The following GLRA1 variants were observed in gnomAD, a reference collection of about 807,000 sequenced individuals.
The protein encoded by GLRA1 is glycine receptor alpha 1.
In GLRA1, 37 loss-of-function variants were observed where a neutral mutation model predicts 48.3. The observed-to-expected ratio is 0.77, with a 90% confidence interval of 0.59 to 1.01. The LOEUF is 1.01. Ranked by LOEUF, GLRA1 falls within the 50% of genes least tolerant of loss-of-function variation. The pLI, the probability that GLRA1 is intolerant of heterozygous loss-of-function variation, is 0.00. For missense variants in GLRA1, 427 were observed against 571.0 expected (o/e 0.75, Z 2.57); for synonymous variants, 196 against 210.7 (o/e 0.93, Z 0.60).
intron 1 of GLRA1, among the ~76,000 whole-genome samples, chr5:151,923,564 G>T (rs1754930753): frequency 6.6e-6 from 1 of 152,130 alleles, no homozygotes; most frequent in African/African-American, 2.4e-5. Context: ...TCTGAAGATG[G>T]TATGATTCAC....
intron 5 of GLRA1, 143 bp downstream of exon 5, chr5:151,856,158 C>T: frequency 1.5e-6 from 1 of 645,298 alleles, no homozygotes; most frequent in Non-Finnish European, 2.9e-6. Context: ...TTTCTAAAAG[C>T]AAAGTCCTTC....
rs192652060 is a variant in GLRA1, at chr5:151,831,540, C to T, written c.913-2473G>A. On this transcript the variant is annotated intron_variant, in intron 7 of 8. Coordinates refer to ENST00000274576, the MANE Select transcript of GLRA1 (RefSeq NM_000171.4). ...GTGTAAACAAAGCTGCCAGGAAGTT[C>T]GAACTGGGTGGAGCACACCACAGCT... Among the ~76,000 whole-genome samples the T allele has an allele frequency of 7.2e-5, 11 of 152,234 alleles. No individual in the cohort carries two copies. In the East Asian group the frequency reaches 1.9e-3, roughly 27 times the overall value.
chr5:151,897,952 G>A (rs1754262532), intron 1 of GLRA1, among the ~76,000 whole-genome samples: 1 of 152,322 alleles, frequency 6.6e-6, no homozygotes, highest in East Asian at 1.9e-4. Flanking sequence ...TTGGTCAGGG[G>A]ATTTGTCACA....
intron 2 of GLRA1, 85 bp downstream of exon 2, chr5:151,892,226 A>G (rs1754095035): frequency 4.1e-6 from 5 of 1,231,486 alleles, no homozygotes; most frequent in Non-Finnish European, 4.8e-6. Flanking sequence ...CTGCGTATTT[A>G]CCATCTGCGT....
At position 151,823,774 on chromosome 5, in the gene GLRA1, T is replaced by C. The variant is rs550960170; in HGVS notation, c.1060-811A>G. ...TTTGTACATTTTCTCTTGTGCCTTC[T>C]CACGTCCCTTCCTTATGCTCACTAC... On this transcript the variant is annotated intron_variant, in intron 8 of 8. Coordinates refer to ENST00000274576, the MANE Select transcript of GLRA1 (RefSeq NM_000171.4). 5.9e-5 allele frequency among the ~76,000 whole-genome samples: 9 copies of C among 152,302 alleles called. No individual in the cohort carries two copies. The South Asian group carries it at 1.9e-3, about 32-fold the overall frequency.
chr5:151,876,946 T>C (rs1026349284), intron 3 of GLRA1, among the ~76,000 whole-genome samples: 1 of 152,158 alleles, frequency 6.6e-6, no homozygotes, highest in African/African-American at 2.4e-5. Context: ...TCTCTCTCTC[T>C]CTCTGTCTCT....
chr5:151,897,804 G>A lies in GLRA1; in HGVS notation c.57-5366C>T, dbSNP rs150377768. On this transcript the variant is annotated intron_variant, in intron 1 of 8. Coordinates refer to ENST00000274576, the MANE Select transcript of GLRA1 (RefSeq NM_000171.4). ...AATATATTTTAGTTTCTTTGTGAGTGTCTATGGATGTAGGTGAGTTTGTGT... is the reference window on the plus strand; with the variant it reads ...AATATATTTTAGTTTCTTTGTGAGTATCTATGGATGTAGGTGAGTTTGTGT... Among the ~76,000 whole-genome samples the A allele has an allele frequency of 1.1e-4, 16 of 152,292 alleles. No homozygotes were observed. In the East Asian group the frequency reaches 3.1e-3, roughly 29 times the overall value.
intron 1 of GLRA1, among the ~76,000 whole-genome samples, chr5:151,914,976 G>C (rs977094092): frequency 6.6e-5 from 10 of 152,286 alleles, no homozygotes; most frequent in Admixed American, 4.6e-4. Context: ...AATAGTGGCA[G>C]GGTAATGGTG....
intron 3 of GLRA1, among the ~76,000 whole-genome samples, chr5:151,867,477 C>G (rs950077655): frequency 6.6e-6 from 1 of 152,118 alleles, no homozygotes; most frequent in Non-Finnish European, 1.5e-5. Flanking sequence ...ATAGCACAAG[C>G]AGAGGTGTGT....
chr5:151,900,148 C>A (rs1300473699), intron 1 of GLRA1, among the ~76,000 whole-genome samples: 1 of 152,124 alleles, frequency 6.6e-6, no homozygotes, highest in African/African-American at 2.4e-5. Context: ...AGTAGGGCCA[C>A]CTAGAGAAAG....
At chr5:151,921,970 A>G (rs1313360705) in intron 1 of GLRA1, among the ~76,000 whole-genome samples, 1 of 151,990 alleles carries the variant, frequency 6.6e-6, no homozygotes, top group Non-Finnish European at 1.5e-5. Flanking sequence ...CTGTGTTGGT[A>G]CCATATGGGA....
At chr5:151,823,038 T>TG (rs1763183584) in intron 8 of GLRA1, 75 bp from the exon 9 acceptor site, 1 of 1,333,966 alleles carries the variant, frequency 7.5e-7, no homozygotes. Flanking sequence ...GGCACTCCCT[T>TG]GGGGGCCAGG....
intron 7 of GLRA1, among the ~76,000 whole-genome samples, chr5:151,847,543 A>G (rs1435912941): frequency 6.6e-6 from 1 of 152,194 alleles, no homozygotes; most frequent in Non-Finnish European, 1.5e-5. Context: ...ACATAGTGAA[A>G]TCCCATCTCT....
intron 7 of GLRA1, among the ~76,000 whole-genome samples, chr5:151,838,555 T>G (rs948277426): frequency 2.0e-5 from 3 of 152,062 alleles, no homozygotes; most frequent in African/African-American, 7.2e-5. Flanking sequence ...CTAGATGGAA[T>G]CAACAGTAGA....
At chr5:151,919,698 A>G (rs1288644868) in intron 1 of GLRA1, among the ~76,000 whole-genome samples, 1 of 152,260 alleles carries the variant, frequency 6.6e-6, no homozygotes, top group Non-Finnish European at 1.5e-5. Flanking sequence ...AAATCTCTTC[A>G]TTTTACAGCT....
At chr5:151,914,072 CAAAAT>C (rs1158119244) in intron 1 of GLRA1, among the ~76,000 whole-genome samples, 1 of 152,046 alleles carries the variant, frequency 6.6e-6, no homozygotes, top group Admixed American at 6.6e-5. Context: ...GTGTAAAAAA[CAAAAT>C]AAAGGAAAAC....
At chr5:151,824,982 T>C (rs1763236714) in intron 8 of GLRA1, among the ~76,000 whole-genome samples, 1 of 152,204 alleles carries the variant, frequency 6.6e-6, no homozygotes, top group African/African-American at 2.4e-5. Flanking sequence ...AATGGAGTTG[T>C]ATTTTTAGCA....
At chr5:151,854,579 G>A (rs540162726) in intron 6 of GLRA1, among the ~76,000 whole-genome samples, 17 of 152,280 alleles carry the variant, frequency 1.1e-4, no homozygotes, top group African/African-American at 4.1e-4. Flanking sequence ...ACACCATCGT[G>A]GCTTCTCTGA....
intron 1 of GLRA1, among the ~76,000 whole-genome samples, chr5:151,917,070 C>G (rs1754758721): frequency 6.6e-6 from 1 of 152,192 alleles, no homozygotes; most frequent in Admixed American, 6.5e-5. Context: ...AGAGCTCTGT[C>G]ACCCACTCTA....
Sources: gnomAD v4.1 joint callset for allele counts (sites outside exome capture counted in the v4.1 genomes callset) on GRCh38, gnomAD v4.1.1 for gene constraint, MANE v1.5 for transcripts, NCBI Gene and HGNC (gene_info 2026-07-23, HGNC 2026-07-21) for gene names.